Variants in HIRA observed in about 807,000 individuals in gnomAD.
HIRA encodes the protein histone cell cycle regulator, also known as protein HIRA.
In HIRA, 13 loss-of-function variants were observed where a neutral mutation model predicts 126.6. The ratio of observed to expected loss-of-function variants is 0.10; its 90% CI spans 0.07 to 0.16. HIRA has a LOEUF of 0.16. HIRA is among the 10% of genes least tolerant of loss of function. HIRA has a pLI of 1.00. For missense variants in HIRA, 834 were observed against 1,314.4 expected, an observed-to-expected ratio of 0.63 and a Z score of 5.65; for synonymous variants, 511 against 520.0, an observed-to-expected ratio of 0.98 and a Z score of 0.24.
At chr22:19,355,737 G>C (rs1556012301) in intron 21 of HIRA, 23 bp downstream of exon 21, 1 of 1,534,084 alleles carries the variant, frequency 6.5e-7, no homozygotes, top group Admixed American at 1.7e-5. Flanking sequence ...CCAGGGAATA[G>C]GACTGGGGGT....
intron 1 of HIRA, among the ~76,000 whole-genome samples, chr22:19,421,477 G>A (rs191283936): frequency 4.6e-4 from 70 of 152,298 alleles, no homozygotes; most frequent in African/African-American, 1.3e-3. Flanking sequence ...CACTAAATGC[G>A]TCTTCTAAAA....
chr22:19,356,150 C>T (rs1941100377), intron 20 of HIRA, 80 bp downstream of exon 20: 2 of 1,350,744 alleles, frequency 1.5e-6, no homozygotes, highest in African/African-American at 1.4e-5. Context: ...GAGCCTGGCT[C>T]TCTGAGCGGG....
chr22:19,377,176 C>T (rs1192643234), intron 14 of HIRA, among the ~76,000 whole-genome samples: 1 of 152,166 alleles, frequency 6.6e-6, no homozygotes, highest in Non-Finnish European at 1.5e-5. Context: ...GGATGGCTAG[C>T]CATTTCTATC....
chr22:19,385,589 T>C lies in HIRA; in HGVS notation c.1261A>G (p.Arg421Gly), dbSNP rs1334569117. 2 of 1,614,088 alleles carry C rather than the reference T, an allele frequency of 1.2e-6. No individual in the cohort carries two copies. ...ACTGAGGTGGCTGAGCCCATCTCCCTGGTCGCAGCACTCTTCTGGTCCAGC... is the reference window on the plus strand; with the variant it reads ...ACTGAGGTGGCTGAGCCCATCTCCCCGGTCGCAGCACTCTTCTGGTCCAGC... The part of the protein sequence containing the change: ...QQLDQKSAAT[R>G]EMGSATSVAG... The change falls in exon 12 of 25, where the codon AGG becomes GGG. Residue 421 changes from arginine (R) to glycine (G), a missense_variant. Coordinates refer to ENST00000263208, the MANE Select transcript of HIRA (RefSeq NM_003325.4).
chr22:19,409,172 C>G (rs1601851878), intron 2 of HIRA, among the ~76,000 whole-genome samples: 1 of 152,164 alleles, frequency 6.6e-6, no homozygotes. Context: ...CCACCCTTTG[C>G]AGTTACCTAC....
At chr22:19,366,593 CAGTA>C (rs2088915585) in intron 15 of HIRA, among the ~76,000 whole-genome samples, 1 of 152,020 alleles carries the variant, frequency 6.6e-6, no homozygotes, top group Non-Finnish European at 1.5e-5. Context: ...GTGGTGGAAA[CAGTA>C]AGAGAACTAG....
intron 15 of HIRA, among the ~76,000 whole-genome samples, chr22:19,373,332 T>G (rs927749863): frequency 2.0e-5 from 3 of 152,246 alleles, no homozygotes; most frequent in African/African-American, 4.8e-5. Flanking sequence ...GCATATTTTA[T>G]AGTGCCATCT....
At chr22:19,398,771 G>A (rs900333930) in intron 5 of HIRA, among the ~76,000 whole-genome samples, 2 of 152,100 alleles carry the variant, frequency 1.3e-5, no homozygotes, top group African/African-American at 4.8e-5. Flanking sequence ...GAGCCCAGAG[G>A]TACAATACCA....
intron 15 of HIRA, among the ~76,000 whole-genome samples, chr22:19,371,825 T>A (rs2088968172): frequency 6.6e-6 from 1 of 152,260 alleles, no homozygotes; most frequent in South Asian, 2.1e-4. Context: ...TATTGTTGAA[T>A]AATATTCTAT....
At chr22:19,375,855 T>C in intron 14 of HIRA, 63 bp from the exon 15 acceptor site, 1 of 1,542,074 alleles carries the variant, frequency 6.5e-7, no homozygotes, top group Non-Finnish European at 8.9e-7. Flanking sequence ...AGGTCTAGTA[T>C]TTGCATTATT....
chr22:19,406,510 C>T (rs2089309187), intron 4 of HIRA, among the ~76,000 whole-genome samples: 1 of 152,240 alleles, frequency 6.6e-6, no homozygotes, highest in South Asian at 2.1e-4. Context: ...AGTGCTGACA[C>T]ACCGATGATC....
intron 16 of HIRA, 134 bp from the exon 17 acceptor site, chr22:19,361,475 G>C: frequency 2.5e-6 from 2 of 800,620 alleles, no homozygotes; most frequent in Non-Finnish European, 4.1e-6. Flanking sequence ...AAGCAGAGGG[G>C]AATGCTACAA....
chr22:19,419,436 G>C (rs2089426172), intron 1 of HIRA, among the ~76,000 whole-genome samples: 2 of 152,074 alleles, frequency 1.3e-5, no homozygotes, highest in Non-Finnish European at 2.9e-5. Flanking sequence ...GCCTCCTTCA[G>C]GTCTTTGCTC....
Position 19,355,766 on chromosome 22 carries a change from G to C in HIRA, c.2555C>G (p.Ser852Cys), listed in dbSNP as rs955467536. 3 of 1,611,136 alleles carry C rather than the reference G, an allele frequency of 1.9e-6. No individual in the cohort carries two copies. The Admixed American group carries it at 5.0e-5, about 27-fold the overall frequency. The part of the protein sequence containing the change: ...GKAYCFNPSL[S>C]TWNLVSDKQD... The stretch of plus-strand genomic sequence containing the variant: ...TGGGGGTCAGCTTGCTTACCATGTG[G>C]AAAGTGACGGATTAAAGCAGTACGC... Residue 852 changes from serine to cysteine, a missense_variant, in exon 21 of 25, where the codon TCC becomes TGC. By Grantham distance (112) the Ser-to-Cys change is moderately radical (BLOSUM62 -1). This residue lies in a region of HIRA where 468 missense variants were observed against 574.2 expected (regional missense o/e 0.82). Coordinates refer to ENST00000263208, the MANE Select transcript of HIRA (RefSeq NM_003325.4).
intron 1 of HIRA, among the ~76,000 whole-genome samples, chr22:19,418,650 T>C (rs953725605): frequency 6.6e-6 from 1 of 151,856 alleles, no homozygotes; most frequent in Non-Finnish European, 1.5e-5. Context: ...ATAAAAAATA[T>C]ATAAAAATTG....
chr22:19,405,945 C>A, intron 4 of HIRA, 65 bp from the exon 5 acceptor site: 1 of 1,044,782 alleles, frequency 9.6e-7, no homozygotes, highest in Admixed American at 3.1e-5. Context: ...GAAATGCTCC[C>A]TGCAGCCAGC....
intron 17 of HIRA, 56 bp from the exon 18 acceptor site, chr22:19,359,540 T>C (rs762479563): frequency 3.4e-6 from 5 of 1,480,760 alleles, no homozygotes; most frequent in African/African-American, 2.8e-5. Context: ...CCAGGTGACA[T>C]GCTCCAAGGC....
chr22:19,357,749 A>G (rs2088826501), intron 18 of HIRA, among the ~76,000 whole-genome samples: 1 of 152,146 alleles, frequency 6.6e-6, no homozygotes, highest in Non-Finnish European at 1.5e-5. Context: ...GATCCTGGCC[A>G]CAGTAGGCCA....
chr22:19,417,352 G>A (rs1363168537), intron 1 of HIRA, among the ~76,000 whole-genome samples: 4 of 151,566 alleles, frequency 2.6e-5, no homozygotes, highest in African/African-American at 4.8e-5. Flanking sequence ...GGCTGGGTGC[G>A]GTGGCTCATG....
Sources: gnomAD v4.1 joint callset for allele counts (sites outside exome capture counted in the v4.1 genomes callset) on GRCh38, gnomAD v4.1.1 for gene constraint, gnomAD v4.1.1 regional missense constraint, MANE v1.5 for transcripts, NCBI Gene and HGNC (gene_info 2026-07-23, HGNC 2026-07-21) for gene names.